Variants in ARHGAP1 observed in about 807,000 individuals in gnomAD.
ARHGAP1 encodes the protein rho GTPase-activating protein 1.
A neutral mutation model predicts 52.2 loss-of-function variants in ARHGAP1; 23 were observed. The ratio of observed to expected loss-of-function variants is 0.44; its 90% CI spans 0.32 to 0.62. The LOEUF (loss-of-function observed/expected upper bound fraction) is 0.62. Ranked by LOEUF, ARHGAP1 falls within the 20% of genes least tolerant of loss-of-function variation. The pLI is 0.05. For synonymous variants in ARHGAP1, 210 were observed against 228.4 expected, an observed-to-expected ratio of 0.92 and a Z score of 0.73; for missense variants, 480 against 560.9, an observed-to-expected ratio of 0.86 and a Z score of 1.46.
chr11:46,689,005 A>C (rs1293801169), intron 3 of ARHGAP1, among the ~76,000 whole-genome samples: 1 of 150,342 alleles, frequency 6.7e-6, no homozygotes, highest in Non-Finnish European at 1.5e-5. Flanking sequence ...AATTGCTTGA[A>C]CCTGGGAGGC....
chr11:46,686,470 G>A (rs2134484947), intron 4 of ARHGAP1, among the ~76,000 whole-genome samples: 1 of 152,170 alleles, frequency 6.6e-6, no homozygotes, highest in African/African-American at 2.4e-5. Flanking sequence ...CCAGGCTGGA[G>A]TGCAGTGGTT....
chr11:46,686,424 C>T (rs772289555), intron 4 of ARHGAP1, among the ~76,000 whole-genome samples: 3 of 151,800 alleles, frequency 2.0e-5, no homozygotes, highest in Admixed American at 6.6e-5. Context: ...GCTTCAGGCA[C>T]GTTCTTTTTT....
intron 3 of ARHGAP1, among the ~76,000 whole-genome samples, chr11:46,692,025 C>T (rs2064618580): frequency 6.6e-6 from 1 of 152,226 alleles, no homozygotes; most frequent in African/African-American, 2.4e-5. Context: ...GGAGGTGCAG[C>T]TCCATCCCGG....
At chr11:46,699,825 CG>C (rs2064687506) in intron 1 of ARHGAP1, among the ~76,000 whole-genome samples, 1 of 152,108 alleles carries the variant, frequency 6.6e-6, no homozygotes, top group Non-Finnish European at 1.5e-5. Flanking sequence ...TAGAGCTTCA[CG>C]GTTTACAAAG....
chr11:46,697,407 A>G (rs2064664639), intron 1 of ARHGAP1: 1 of 152,242 alleles, frequency 6.6e-6, no homozygotes, highest in South Asian at 2.1e-4. Context: ...CAAAACTGAC[A>G]TATATGGTCA....
chr11:46,698,693 A>G (rs2064676099), intron 1 of ARHGAP1, among the ~76,000 whole-genome samples: 2 of 151,616 alleles, frequency 1.3e-5, no homozygotes, highest in East Asian at 3.9e-4. Flanking sequence ...GCTGAACTTG[A>G]ACTTCACCTC....
At chr11:46,695,898 T>C in intron 2 of ARHGAP1, 77 bp downstream of exon 2, 1 of 1,609,334 alleles carries the variant, frequency 6.2e-7, no homozygotes, top group Non-Finnish European at 8.5e-7. Flanking sequence ...CCTGCCCTCC[T>C]GGCGTCTCCC....
intron 3 of ARHGAP1, among the ~76,000 whole-genome samples, chr11:46,692,854 AT>A (rs142099026): frequency 0.51 from 71,276 of 139,608 alleles, 18,440 homozygotes; most frequent in East Asian, 0.71. Flanking sequence ...CACCCAGCTA[AT>A]TTTTTTTTTT....
At chr11:46,686,301 C>T (rs887403389) in intron 4 of ARHGAP1, among the ~76,000 whole-genome samples, 5 of 151,780 alleles carry the variant, frequency 3.3e-5, no homozygotes, top group African/African-American at 9.7e-5. Context: ...AGACTTGTGG[C>T]GCCCAGCCAC....
intron 3 of ARHGAP1, among the ~76,000 whole-genome samples, chr11:46,693,095 G>A (rs1032313800): frequency 1.1e-4 from 16 of 151,918 alleles, no homozygotes; most frequent in Non-Finnish European, 1.9e-4. Context: ...CTCATGATCC[G>A]CCCGCCTCGG....
intron 4 of ARHGAP1, among the ~76,000 whole-genome samples, chr11:46,686,047 C>T (rs557839648): frequency 1.3e-5 from 2 of 151,222 alleles, no homozygotes; most frequent in Admixed American, 1.3e-4. Context: ...TCTGGGCTCA[C>T]TGAAATCTCT....
In ARHGAP1 at chr11:46,681,389, C is replaced by T; in HGVS notation, c.450-10G>A. 6.3e-7 allele frequency: 1 copy of T among 1,590,450 alleles called. No homozygotes were observed. The highest frequency in any genetic ancestry group is 8.6e-7 in the Non-Finnish European group (1 of 1,158,666). ...GATGTTTTTCTTGTACCTGCAGAGA[C>T]AGAATGGACAACTCAGGAGCAGGCG... On this transcript the variant is annotated splice_polypyrimidine_tract_variant and intron_variant, in intron 5 of 12. Coordinates refer to ENST00000311956, the MANE Select transcript of ARHGAP1 (RefSeq NM_004308.5). The surrounding 1 kb of genome is among the most constrained non-coding windows in gnomAD (Gnocchi z 5.7).
rs1055948719 is a variant in ARHGAP1 at position 46,695,397 on chromosome 11, T to A, written c.229+263A>T. 15 of 522,086 alleles carry A rather than the reference T, an allele frequency of 2.9e-5. No homozygotes were observed. In the Admixed American group the frequency reaches 3.6e-4, roughly 12 times the overall value. 32.3% of individuals were successfully genotyped at this position (522,086 alleles called of 1,614,324 possible). On this transcript the variant is annotated intron_variant, in intron 3 of 12. Transcript: ENST00000311956. ...GGAAGGCTACTTATTCAAGGCCAAC[T>A]GTGTTCTGGCTCTGGGCTAGGCCCT...
At chr11:46,693,301 T>G (rs2064628610) in intron 3 of ARHGAP1, among the ~76,000 whole-genome samples, 1 of 145,492 alleles carries the variant, frequency 6.9e-6, no homozygotes, top group African/African-American at 2.5e-5. Context: ...CTGGCTGCAC[T>G]TTTTTTTTTT....
chr11:46,695,926 T>C (rs779255711), intron 2 of ARHGAP1, 49 bp downstream of exon 2: 1 of 1,613,214 alleles, frequency 6.2e-7, no homozygotes, highest in Non-Finnish European at 8.5e-7. Flanking sequence ...GAAGGAGTGC[T>C]TCCCCCTCTA....
At chr11:46,683,316 A>G (rs1249733569) in intron 4 of ARHGAP1, among the ~76,000 whole-genome samples, 1 of 151,364 alleles carries the variant, frequency 6.6e-6, no homozygotes, top group Non-Finnish European at 1.5e-5. Flanking sequence ...GTGCTGGGAG[A>G]TTACAGGCAT....
In ARHGAP1 at chr11:46,696,307, G is replaced by A. The variant is rs531795994; in HGVS notation, c.-49-151C>T. Among the ~76,000 whole-genome samples, 3 of 152,132 alleles carry A rather than the reference G, an allele frequency of 2.0e-5. No individual in the cohort carries two copies. Among genetic ancestry groups the A allele is most frequent in the East Asian group, 1.9e-4 (1 of 5,164 alleles). ...TCCTCATCCCCGCCAAGAGCTCCAC[G>A]TAGCTCTGGGTTCTCCTGGCTCCGT... On this transcript the variant is annotated intron_variant, in intron 1 of 12. Coordinates refer to ENST00000311956, the MANE Select transcript of ARHGAP1 (RefSeq NM_004308.5). This position sits in a 1 kb window ranked among gnomAD's most constrained non-coding sequence, Gnocchi z 4.8.
chr11:46,681,929 A>G lies in ARHGAP1; in HGVS notation c.449+122T>C. ...GACTGCAGATTCTTTACATTGACGT[A>G]GACGGCAGCCCCCGCCACCCCCTGC... On this transcript the variant is annotated intron_variant, in intron 5 of 12. Coordinates refer to ENST00000311956, the MANE Select transcript of ARHGAP1 (RefSeq NM_004308.5). The surrounding 1 kb of genome is among the most constrained non-coding windows in gnomAD (Gnocchi z 5.7). 7.2e-7 allele frequency: 1 copy of G among 1,383,632 alleles called. No individual in the cohort carries two copies. The highest frequency in any genetic ancestry group is 9.9e-7 in the Non-Finnish European group (1 of 1,011,228). The allele number at this position is 1,383,632 out of a possible 1,614,324, so 85.7% of individuals were successfully genotyped here.
chr11:46,679,842 C>T lies in ARHGAP1; in HGVS notation c.899-66G>A, dbSNP rs117735038. The T allele has an allele frequency of 0.013, 21,560 of 1,601,404 alleles. 183 individuals carry two copies. The highest frequency in any genetic ancestry group is 0.016 in the Non-Finnish European group (18,872 of 1,176,138). Reference sequence around the variant, plus strand: ...AAGGGCAGCACCCATCTGCAGACAACGCGGGCCGCACTGCCTGACTGCCCC... The same window carrying T: ...AAGGGCAGCACCCATCTGCAGACAATGCGGGCCGCACTGCCTGACTGCCCC... On this transcript the variant is annotated intron_variant, in intron 10 of 12. Coordinates refer to ENST00000311956, the MANE Select transcript of ARHGAP1 (RefSeq NM_004308.5). This position sits in a 1 kb window ranked among gnomAD's most constrained non-coding sequence, Gnocchi z 4.4.
Sources: allele counts gnomAD v4.1 joint callset (sites outside exome capture counted in the v4.1 genomes callset), GRCh38; gene constraint gnomAD v4.1.1; non-coding constraint Gnocchi (gnomAD v3.1); transcripts MANE v1.5; gene names NCBI Gene and HGNC (gene_info 2026-07-23, HGNC 2026-07-21).